Variants in RNF14 observed in about 807,000 individuals in gnomAD.
RNF14 encodes E3 ubiquitin-protein ligase RNF14.
A neutral mutation model predicts 52.6 loss-of-function variants in RNF14; 26 were observed. The observed-to-expected ratio is 0.49, with a 90% CI of 0.36 to 0.69. The LOEUF is 0.69. RNF14 is among the 30% of genes least tolerant of loss of function. The pLI, the probability that RNF14 is intolerant of heterozygous loss-of-function variation, is 0.00. For synonymous variants in RNF14, 194 were observed against 202.0 expected (o/e 0.96, Z 0.34); for missense variants, 404 against 560.4 (o/e 0.72, Z 2.82).
chr5:141,957,116 C>T (rs1753198223), upstream of RNF14: 2 of 1,614,198 alleles, frequency 1.2e-6, no homozygotes, highest in Non-Finnish European at 1.7e-6. This position sits in a 1 kb window ranked among gnomAD's most constrained non-coding sequence, Gnocchi z 4.3. Context: ...AGTGAACTCT[C>T]AGCAAACGCA....
chr5:141,981,912 A>G (rs1371440340), intron 6 of RNF14, among the ~76,000 whole-genome samples: 1 of 152,010 alleles, frequency 6.6e-6, no homozygotes. Flanking sequence ...TATTGTAGTT[A>G]TTACTTGCTA....
upstream of RNF14, chr5:141,956,728 A>G: frequency 6.2e-7 from 1 of 1,614,216 alleles, no homozygotes; most frequent in Non-Finnish European, 8.5e-7. Context: ...TGCCATGACA[A>G]GAGCAATAAA....
chr5:141,980,858 A>G (rs896694440), intron 6 of RNF14, among the ~76,000 whole-genome samples: 1 of 152,348 alleles, frequency 6.6e-6, no homozygotes, highest in Non-Finnish European at 1.5e-5. Flanking sequence ...CTAAGCTGCC[A>G]TTCTTGTCTC....
chr5:141,974,979 C>G (rs1475334310), intron 4 of RNF14, 24 bp downstream of exon 4: 1 of 1,607,762 alleles, frequency 6.2e-7, no homozygotes, highest in Non-Finnish European at 8.5e-7. Flanking sequence ...CTTAATTTTT[C>G]CTATCCATTT....
At chr5:141,953,335 G>GTC (rs1753120798), upstream of RNF14, 1 of 152,202 alleles carries the variant, frequency 6.6e-6, no homozygotes, top group South Asian at 2.1e-4. Context: ...GGGTTACGAG[G>GTC]TTTAAATGAG....
At chr5:141,969,521 C>G (rs977640592) in intron 1 of RNF14, 3 of 152,318 alleles carry the variant, frequency 2.0e-5, no homozygotes, top group African/African-American at 7.2e-5. Context: ...GCCCAAACGA[C>G]GCCGCACGCC....
At chr5:141,981,957 C>T (rs1441299443) in intron 6 of RNF14, among the ~76,000 whole-genome samples, 2 of 152,134 alleles carry the variant, frequency 1.3e-5, no homozygotes, top group South Asian at 2.1e-4. Flanking sequence ...CAAGAAAGTA[C>T]CATGAGAGGA....
upstream of RNF14, among the ~76,000 whole-genome samples, chr5:141,963,875 T>C (rs1753295049): frequency 6.6e-6 from 1 of 152,240 alleles, no homozygotes; most frequent in African/African-American, 2.4e-5. Context: ...TATAAGTTTA[T>C]GACAGCCAGG....
chr5:141,951,930 A>C, the RNF14 span, among the ~76,000 whole-genome samples: 3 of 152,218 alleles, frequency 2.0e-5, no homozygotes, highest in Non-Finnish European at 4.4e-5. Flanking sequence ...ATTTGTTGTT[A>C]CTTTGATGAA....
chr5:141,953,788 C>T (rs17097885), upstream of RNF14, among the ~76,000 whole-genome samples: 999 of 152,350 alleles, frequency 6.6e-3, 18 homozygotes, highest in African/African-American at 0.023. Context: ...GGGCAAGATT[C>T]CTAAGAGAAC....
At chr5:141,972,158 C>T (rs1404905879) in intron 2 of RNF14, among the ~76,000 whole-genome samples, 2 of 152,214 alleles carry the variant, frequency 1.3e-5, no homozygotes, top group East Asian at 1.9e-4. Flanking sequence ...GTAACATTCT[C>T]AAGCACTGTT....
chr5:141,973,022 T>G (rs556065616), intron 2 of RNF14, among the ~76,000 whole-genome samples: 10 of 152,336 alleles, frequency 6.6e-5, no homozygotes, highest in Admixed American at 1.3e-4. Flanking sequence ...ATTGTGCTTT[T>G]TTTCCTCTAA....
At chr5:141,960,127 G>T (rs1289542933) in intron 1 of RNF14, among the ~76,000 whole-genome samples, 1 of 152,154 alleles carries the variant, frequency 6.6e-6, no homozygotes, top group African/African-American at 2.4e-5. Flanking sequence ...AAGCTACTAG[G>T]AGCCCCTGGG....
At chr5:141,975,126 T>A (rs1159827240) in intron 4 of RNF14, among the ~76,000 whole-genome samples, 171 bp downstream of exon 4, 1 of 152,236 alleles carries the variant, frequency 6.6e-6, no homozygotes, top group Non-Finnish European at 1.5e-5. Flanking sequence ...ATTGAAAATG[T>A]TTGGTGTTTT....
At chr5:141,961,520 G>A (rs563162140) in intron 1 of RNF14, among the ~76,000 whole-genome samples, 14 of 151,558 alleles carry the variant, frequency 9.2e-5, no homozygotes, top group African/African-American at 3.2e-4. Flanking sequence ...ACTAGAGTTC[G>A]TCTGGAAAGG....
At chr5:141,957,349 G>A (rs757193006), upstream of RNF14, 11 of 1,613,688 alleles carry the variant, frequency 6.8e-6, no homozygotes, top group East Asian at 2.0e-4. The surrounding 1 kb of genome is among the most constrained non-coding windows in gnomAD (Gnocchi z 4.3). Flanking sequence ...GGTGTGCAGG[G>A]TGTTAGGGCC....
chr5:141,955,048 AG>A, upstream of RNF14: 1 of 1,614,250 alleles, frequency 6.2e-7, no homozygotes, highest in East Asian at 2.2e-5. The surrounding 1 kb of genome is among the most constrained non-coding windows in gnomAD (Gnocchi z 5.5). Flanking sequence ...CAGCCGGACC[AG>A]GCTCCGCAGG....
intron 6 of RNF14, among the ~76,000 whole-genome samples, chr5:141,982,187 C>T (rs1754848464): frequency 6.6e-6 from 1 of 152,132 alleles, no homozygotes; most frequent in Non-Finnish European, 1.5e-5. Flanking sequence ...CTCTCCCTCT[C>T]TTTGTATGTA....
chr5:141,956,186 A>T, upstream of RNF14: 1 of 1,614,180 alleles, frequency 6.2e-7, no homozygotes, highest in Non-Finnish European at 8.5e-7. Context: ...TTGGCATCCA[A>T]GAGGCTGACC....
Sources: allele counts gnomAD v4.1 joint callset (sites outside exome capture counted in the v4.1 genomes callset), GRCh38; gene constraint gnomAD v4.1.1; non-coding constraint Gnocchi (gnomAD v3.1); transcripts MANE v1.5; gene names NCBI Gene and HGNC (gene_info 2026-07-23, HGNC 2026-07-21).